MAP2K5: variants seen among roughly 807,000 people sequenced by gnomAD.
MAP2K5 encodes the protein mitogen-activated protein kinase kinase 5.
In MAP2K5, 49 loss-of-function variants were observed where a neutral mutation model predicts 83.1. That is an observed-to-expected ratio of 0.59 (90% CI 0.47 to 0.75). The LOEUF is 0.75. Ranked by LOEUF, MAP2K5 falls within the 30% of genes least tolerant of loss-of-function variation. The pLI is 0.00. For synonymous variants in MAP2K5, 202 were observed against 191.8 expected (o/e 1.05, Z -0.44); for missense variants, 457 against 557.5 (o/e 0.82, Z 1.82).
intron 17 of MAP2K5, among the ~76,000 whole-genome samples, chr15:67,730,208 C>T (rs1443785226): frequency 1.3e-5 from 2 of 152,116 alleles, no homozygotes; most frequent in Non-Finnish European, 2.9e-5. Flanking sequence ...TTATAAATGC[C>T]TTTCCTACCC....
intron 7 of MAP2K5, among the ~76,000 whole-genome samples, chr15:67,600,367 A>G (rs1211600908): frequency 6.6e-6 from 1 of 152,204 alleles, no homozygotes; most frequent in Non-Finnish European, 1.5e-5. Flanking sequence ...GGTTATATGC[A>G]GTACTGGAGA....
chr15:67,739,623 G>C (rs907923151), intron 17 of MAP2K5, among the ~76,000 whole-genome samples: 1 of 150,956 alleles, frequency 6.6e-6, no homozygotes, highest in South Asian at 2.1e-4. Context: ...TGGGATTGCA[G>C]GCATGTGCCA....
At position 67,758,419 on chromosome 15, in the gene MAP2K5, T is replaced by C. The variant is rs1767330982; in HGVS notation, c.1134+9818T>C. On this transcript the variant is annotated intron_variant, in intron 19 of 21. Coordinates refer to ENST00000178640, the MANE Select transcript of MAP2K5 (RefSeq NM_145160.3). This position sits in a 1 kb window ranked among gnomAD's most constrained non-coding sequence, Gnocchi z 4.7. ...TTTCAAGGGATGAGATGATTAGCATTCTGTTCTTGGGAGATCACCAAGCAC... is the reference window on the plus strand; with the variant it reads ...TTTCAAGGGATGAGATGATTAGCATCCTGTTCTTGGGAGATCACCAAGCAC... Among the ~76,000 whole-genome samples, 1 of 152,062 alleles carries C rather than the reference T, an allele frequency of 6.6e-6. No homozygotes were observed. The highest frequency in any genetic ancestry group is 6.6e-5 in the Admixed American group (1 of 15,252).
rs2088994976 is a variant in MAP2K5 at position 67,722,805 on chromosome 15, AAATCCTTAGATGG to A, written c.1045-5108_1045-5096del. Among the ~76,000 whole-genome samples the A allele has an allele frequency of 6.6e-6, 1 of 152,210 alleles. No homozygotes were observed. Among genetic ancestry groups the A allele is most frequent in the Admixed American group, 6.5e-5 (1 of 15,280 alleles). ...AACTGCAGCGCACAATCTAAATGCA[AAATCCTTAGATGG>A]AAATTTAATTGTGTAAAATGTACAC... On this transcript the variant is annotated intron_variant, in intron 16 of 21. Transcript: ENST00000178640. The surrounding 1 kb of genome is among the most constrained non-coding windows in gnomAD (Gnocchi z 4.2).
At chr15:67,716,100 A>G (rs1285383810) in intron 16 of MAP2K5, among the ~76,000 whole-genome samples, 1 of 152,230 alleles carries the variant, frequency 6.6e-6, no homozygotes, top group Non-Finnish European at 1.5e-5. Context: ...GACACTGCTG[A>G]GAACAAAACT....
chr15:67,563,191 A>G lies in MAP2K5; in HGVS notation c.185-92A>G, dbSNP rs2084773050. On this transcript the variant is annotated intron_variant, in intron 2 of 21. Transcript: ENST00000178640. The surrounding 1 kb of genome is among the most constrained non-coding windows in gnomAD (Gnocchi z 4.5). ...CCAAAATGTGGTGTTGAGGGTTAGA[A>G]TATCACATTGTAATAAACCGTTTAT... is the stretch of plus-strand genomic sequence containing the variant. 7.1e-7 allele frequency: 1 copy of G among 1,413,826 alleles called. No individual in the cohort carries two copies. The highest frequency in any genetic ancestry group is 1.6e-5 in the South Asian group (1 of 61,778). The allele number at this position is 1,413,826 out of a possible 1,614,324, so 87.6% of individuals were successfully genotyped here.
chr15:67,668,106 T>C lies in MAP2K5; in HGVS notation c.847+3461T>C, dbSNP rs532578807. The stretch of plus-strand genomic sequence containing the variant: ...TGTTATATTCAGTCAGGTGTTACTA[T>C]TGTTTATTTTGCTCTTTTTAAGATT... On this transcript the variant is annotated intron_variant, in intron 13 of 21. Coordinates refer to ENST00000178640, the MANE Select transcript of MAP2K5 (RefSeq NM_145160.3). This position sits in a 1 kb window ranked among gnomAD's most constrained non-coding sequence, Gnocchi z 4.0. Among the ~76,000 whole-genome samples, 1 of 152,340 alleles carries C rather than the reference T, an allele frequency of 6.6e-6. No homozygotes were observed. The highest frequency in any genetic ancestry group is 2.4e-5 in the African/African-American group (1 of 41,586).
intron 17 of MAP2K5, among the ~76,000 whole-genome samples, chr15:67,739,584 A>G (rs2089447267): frequency 6.9e-6 from 1 of 144,936 alleles, no homozygotes; most frequent in South Asian, 2.2e-4. Context: ...GGGTTGAAGC[A>G]ATTCTCCTGC....
Position 67,687,994 on chromosome 15 carries a change from G to A in MAP2K5, c.848-4485G>A, listed in dbSNP as rs144252350. Among the ~76,000 whole-genome samples the A allele has an allele frequency of 3.4e-3, 512 of 152,264 alleles. 2 individuals are homozygous for A. Among genetic ancestry groups the A allele is most frequent in the African/African-American group, 0.012 (489 of 41,554 alleles). ...AGGGAAAGGAAGTATCTGAGCTGGGGGGTATTGCTACTGCATACTACGTGG... is the reference window on the plus strand; with the variant it reads ...AGGGAAAGGAAGTATCTGAGCTGGGAGGTATTGCTACTGCATACTACGTGG... On this transcript the variant is annotated intron_variant, in intron 13 of 21. Coordinates refer to ENST00000178640, the MANE Select transcript of MAP2K5 (RefSeq NM_145160.3).
Position 67,702,362 on chromosome 15 carries a change from A to G in MAP2K5, c.973-975A>G, listed in dbSNP as rs985535270. ...GTTGATGATAGTAATGATGGTGACA[A>G]TAATGTTATTCCTGTAGCCGGCTAG... is the stretch of plus-strand genomic sequence containing the variant. On this transcript the variant is annotated intron_variant, in intron 15 of 21. Transcript: ENST00000178640. The surrounding 1 kb of genome is among the most constrained non-coding windows in gnomAD (Gnocchi z 4.6). Among the ~76,000 whole-genome samples, 2 of 152,250 alleles carry G rather than the reference A, an allele frequency of 1.3e-5. No individual in the cohort carries two copies. The highest frequency in any genetic ancestry group is 6.5e-5 in the Admixed American group (1 of 15,282).
intron 13 of MAP2K5, among the ~76,000 whole-genome samples, chr15:67,678,216 TAATG>T (rs1241335538): frequency 3.2e-4 from 48 of 152,256 alleles, no homozygotes; most frequent in Non-Finnish European, 2.9e-5. Flanking sequence ...CAATTAAACA[TAATG>T]AAAGAGCATT....
At chr15:67,728,692 C>G (rs919507205) in intron 17 of MAP2K5, among the ~76,000 whole-genome samples, 6 of 152,144 alleles carry the variant, frequency 3.9e-5, no homozygotes, top group Admixed American at 2.6e-4. Context: ...GCCAAAGTGC[C>G]TAGAGGCATG....
intron 8 of MAP2K5, among the ~76,000 whole-genome samples, chr15:67,613,870 G>A (rs554608772): frequency 4.6e-4 from 70 of 151,888 alleles, no homozygotes; most frequent in Non-Finnish European, 8.1e-4. Context: ...CTTTTCAGAG[G>A]TGCATTTACT....
intron 3 of MAP2K5, among the ~76,000 whole-genome samples, chr15:67,564,756 A>G (rs189854700): frequency 6.6e-6 from 1 of 152,222 alleles, no homozygotes. Flanking sequence ...AGAATGTGAC[A>G]TGCTTATTTT....
rs935604760 is a variant in MAP2K5, at chr15:67,676,487, C to G, written c.847+11842C>G. 6.6e-6 allele frequency among the ~76,000 whole-genome samples: 1 copy of G among 152,104 alleles called. No homozygotes were observed. The highest frequency in any genetic ancestry group is 1.5e-5 in the Non-Finnish European group (1 of 68,032). On this transcript the variant is annotated intron_variant, in intron 13 of 21. Transcript: ENST00000178640. This position sits in a 1 kb window ranked among gnomAD's most constrained non-coding sequence, Gnocchi z 4.8. ...CAGACAGCTTTAGCAGTTGGAAGAG[C>G]TCTCCATGTCTCTTCCTTTCTCTAA...
chr15:67,795,653 C>T (rs1472829919), intron 21 of MAP2K5, among the ~76,000 whole-genome samples: 1 of 152,072 alleles, frequency 6.6e-6, no homozygotes, highest in African/African-American at 2.4e-5. Flanking sequence ...TTTTTCCCCC[C>T]AGTGTTCTCT....
At chr15:67,564,317 C>T (rs142625734) in intron 3 of MAP2K5, among the ~76,000 whole-genome samples, 22 of 152,148 alleles carry the variant, frequency 1.4e-4, no homozygotes, top group African/African-American at 5.3e-4. Flanking sequence ...GTTAAAAGTT[C>T]TATACAAATG....
chr15:67,767,472 A>G (rs1448735226), intron 19 of MAP2K5, among the ~76,000 whole-genome samples: 1 of 152,064 alleles, frequency 6.6e-6, no homozygotes, highest in African/African-American at 2.4e-5. Context: ...CTACACCCTC[A>G]AAAAAAATCC....
intron 11 of MAP2K5, among the ~76,000 whole-genome samples, chr15:67,648,171 C>G (rs549677304): frequency 2.0e-5 from 3 of 152,256 alleles, no homozygotes; most frequent in African/African-American, 7.2e-5. Context: ...CTGTATAATT[C>G]CAAAACACTT....
Sources: gnomAD v4.1 joint callset for allele counts (sites outside exome capture counted in the v4.1 genomes callset) on GRCh38, gnomAD v4.1.1 for gene constraint, Gnocchi (gnomAD v3.1) non-coding constraint, MANE v1.5 for transcripts, NCBI Gene and HGNC (gene_info 2026-07-23, HGNC 2026-07-21) for gene names.